Variants in PLD5 observed in about 807,000 individuals in gnomAD.
PLD5 encodes the protein phospholipase D family member 5.
Under a neutral mutation model 61.1 loss-of-function variants are expected in PLD5, and 36 were observed. The observed-to-expected ratio is 0.59, with a 90% CI of 0.45 to 0.78. PLD5 has a LOEUF of 0.78. PLD5 is among the 30% of genes least tolerant of loss of function. The pLI is 0.00. For synonymous variants in PLD5, 243 were observed against 242.8 expected, an observed-to-expected ratio of 1.00 and a Z score of -0.01; for missense variants, 515 against 644.4, an observed-to-expected ratio of 0.80 and a Z score of 2.17.
intron 1 of PLD5, among the ~76,000 whole-genome samples, chr1:242,485,082 G>T (rs1572225382): frequency 1.3e-5 from 2 of 151,298 alleles, no homozygotes; most frequent in Admixed American, 6.6e-5. Flanking sequence ...AGCTATTTAT[G>T]ACAAACCCAC....
At chr1:242,218,420 A>C (rs180980257) in intron 5 of PLD5, among the ~76,000 whole-genome samples, 34 of 152,330 alleles carry the variant, frequency 2.2e-4, no homozygotes, top group Admixed American at 7.8e-4. Flanking sequence ...TAAAGATGAA[A>C]TATCTTTGCT....
Position 242,100,773 on chromosome 1 carries a change from CA to C in PLD5, c.1248del (p.Phe416LeufsTer22). On this transcript the variant is annotated frameshift_variant, in exon 9 of 10. Coordinates refer to ENST00000536534, the MANE Select transcript of PLD5 (RefSeq NM_001372062.1). LOFTEE classifies it high-confidence loss of function. ...IANCSLKVKF[F>X]DLERENACAT... Reference sequence around the variant, plus strand: ...GCACAAGCATTCTCTCTTTCCAGATCAAAAAATTTCTGTAAGAAAAAAAAAA... The same window carrying C: ...GCACAAGCATTCTCTCTTTCCAGATCAAAAATTTCTGTAAGAAAAAAAAAA... 1 of 1,596,972 alleles carries C rather than the reference CA, an allele frequency of 6.3e-7. No individual in the cohort carries two copies. Among genetic ancestry groups the C allele is most frequent in the Non-Finnish European group, 8.5e-7 (1 of 1,172,720 alleles).
At chr1:242,140,454 G>C (rs1037590582) in intron 5 of PLD5, among the ~76,000 whole-genome samples, 4 of 152,070 alleles carry the variant, frequency 2.6e-5, no homozygotes, top group African/African-American at 9.7e-5. Context: ...GACCAGCCTG[G>C]GTTTAGTAGC....
intron 5 of PLD5, chr1:242,203,469 C>T (rs12125474): frequency 0.14 from 21,119 of 152,356 alleles, 1,767 homozygotes; most frequent in Non-Finnish European, 0.18. Context: ...GAAATGTAAT[C>T]CCCAGTGTTG....
intron 2 of PLD5, among the ~76,000 whole-genome samples, chr1:242,307,522 C>T (rs2997795): frequency 2.6e-5 from 4 of 151,620 alleles, no homozygotes; most frequent in Non-Finnish European, 4.4e-5. Context: ...AACTGTGTCA[C>T]GTATTGGGCC....
chr1:242,236,908 A>C (rs919973973), intron 4 of PLD5, among the ~76,000 whole-genome samples: 2 of 152,228 alleles, frequency 1.3e-5, no homozygotes, highest in African/African-American at 4.8e-5. Flanking sequence ...AAGCCTGCCA[A>C]GGAAGAATTG....
intron 8 of PLD5, among the ~76,000 whole-genome samples, chr1:242,103,194 A>C (rs1321469732): frequency 6.6e-6 from 1 of 152,122 alleles, no homozygotes; most frequent in Non-Finnish European, 1.5e-5. Context: ...TCTGAGTGCG[A>C]GTGTACTGAC....
intron 1 of PLD5, among the ~76,000 whole-genome samples, chr1:242,499,048 G>A (rs1053921935): frequency 1.3e-5 from 2 of 152,030 alleles, no homozygotes; most frequent in Non-Finnish European, 2.9e-5. Flanking sequence ...GGACAAAAAC[G>A]TTTTTACAAT....
intron 1 of PLD5, among the ~76,000 whole-genome samples, chr1:242,424,448 T>C (rs1370223129): frequency 1.3e-5 from 2 of 152,194 alleles, no homozygotes; most frequent in African/African-American, 4.8e-5. Context: ...CCCAGATTTT[T>C]TCTCTGGCCA....
At chr1:242,124,122 C>T (rs1256404960) in intron 6 of PLD5, among the ~76,000 whole-genome samples, 1 of 152,214 alleles carries the variant, frequency 6.6e-6, no homozygotes, top group Non-Finnish European at 1.5e-5. Context: ...GAGCTGGGTG[C>T]TGGCTCCGCT....
intron 1 of PLD5, among the ~76,000 whole-genome samples, chr1:242,495,608 T>C (rs569980261): frequency 5.9e-5 from 9 of 152,248 alleles, no homozygotes; most frequent in African/African-American, 2.2e-4. Context: ...TCAAGGAAAA[T>C]TGGTGAACAA....
chr1:242,199,762 C>T (rs576246452), intron 5 of PLD5, among the ~76,000 whole-genome samples: 68 of 152,276 alleles, frequency 4.5e-4, no homozygotes, highest in Middle Eastern at 3.4e-3. Flanking sequence ...TGAGAACATG[C>T]GGTGTTTGTC....
chr1:242,506,303 G>A (rs1474392992), intron 1 of PLD5, among the ~76,000 whole-genome samples: 2 of 152,166 alleles, frequency 1.3e-5, no homozygotes, highest in African/African-American at 4.8e-5. Context: ...TCTAGTTGGA[G>A]GCGCCTGGGT....
chr1:242,178,730 AATG>A (rs1213562992), intron 5 of PLD5, among the ~76,000 whole-genome samples: 8 of 152,222 alleles, frequency 5.3e-5, no homozygotes, highest in African/African-American at 1.9e-4. Context: ...ATGAAACAAA[AATG>A]ATGATTGACT....
chr1:242,348,395 A>G (rs1660262610), intron 1 of PLD5, among the ~76,000 whole-genome samples, 153 bp from the exon 2 acceptor site: 1 of 152,164 alleles, frequency 6.6e-6, no homozygotes, highest in African/African-American at 2.4e-5. Flanking sequence ...TGAACATGCC[A>G]AAGATCTTTA....
chr1:242,453,960 A>G (rs1156882192), intron 1 of PLD5, among the ~76,000 whole-genome samples: 1 of 152,196 alleles, frequency 6.6e-6, no homozygotes, highest in Admixed American at 6.5e-5. Context: ...TTCAGGCAGC[A>G]GGGCTAGGAG....
At chr1:242,218,005 A>G (rs1191570523) in intron 5 of PLD5, among the ~76,000 whole-genome samples, 2 of 152,250 alleles carry the variant, frequency 1.3e-5, no homozygotes, top group Non-Finnish European at 2.9e-5. Context: ...ACTGACTCCA[A>G]TTTTGAAAGA....
chr1:242,265,338 C>A lies in PLD5; in HGVS notation c.606G>T (p.Lys202Asn). ...DSKVLEALKL[K>N]GAEVTYMNMT... ...ATAGCATATCAACCTTGGTCTTACC[C>A]TTTAATTTCAAGGCTTCTAATACCT... The change falls in exon 4 of 10, where the codon AAG becomes AAT. Residue 202 changes from lysine to asparagine, a missense_variant and splice_region_variant. Around this residue, in one of 2 missense-constraint regions of PLD5, gnomAD observed 450 missense variants for 598.1 expected, o/e 0.75. Coordinates refer to ENST00000536534, the MANE Select transcript of PLD5 (RefSeq NM_001372062.1). The A allele has an allele frequency of 6.2e-7, 1 of 1,608,760 alleles. No individual in the cohort carries two copies. Among genetic ancestry groups the A allele is most frequent in the Non-Finnish European group, 8.5e-7 (1 of 1,178,940 alleles).
chr1:242,349,270 A>G (rs2149221645), intron 1 of PLD5, among the ~76,000 whole-genome samples: 1 of 152,226 alleles, frequency 6.6e-6, no homozygotes, highest in South Asian at 2.1e-4. Flanking sequence ...CACGCAGATG[A>G]CGCTTCTAGG....
Sources: gnomAD v4.1 joint callset for allele counts (sites outside exome capture counted in the v4.1 genomes callset) on GRCh38, gnomAD v4.1.1 for gene constraint, gnomAD v4.1.1 regional missense constraint, MANE v1.5 for transcripts, NCBI Gene and HGNC (gene_info 2026-07-23, HGNC 2026-07-21) for gene names.